Variants in FSTL5 observed in about 807,000 individuals in gnomAD.
FSTL5 encodes the protein follistatin-related protein 5.
In FSTL5, 62 loss-of-function variants were observed where a neutral mutation model predicts 89.1. That is an observed-to-expected ratio of 0.70 (90% CI 0.57 to 0.86). The LOEUF (loss-of-function observed/expected upper bound fraction) is 0.86. Among genes scored for constraint, FSTL5 ranks in the 40% least tolerant of loss-of-function variants. FSTL5 has a pLI of 0.00. For missense variants in FSTL5, 1,057 were observed against 1,001.6 expected (o/e 1.06, Z -0.75); for synonymous variants, 383 against 346.2 (o/e 1.11, Z -1.18).
At chr4:161,687,198 G>T (rs1433002015) in intron 6 of FSTL5, among the ~76,000 whole-genome samples, 1 of 152,126 alleles carries the variant, frequency 6.6e-6, no homozygotes, top group Non-Finnish European at 1.5e-5. Context: ...AATGGCTAGT[G>T]ACATTTATTT....
chr4:162,159,350 A>G (rs980173083), intron 1 of FSTL5, among the ~76,000 whole-genome samples: 1 of 152,048 alleles, frequency 6.6e-6, no homozygotes, highest in Non-Finnish European at 1.5e-5. Flanking sequence ...TTTAAATACA[A>G]CTCAATGAAG....
At chr4:162,157,747 A>G (rs907430255) in intron 1 of FSTL5, among the ~76,000 whole-genome samples, 3 of 152,084 alleles carry the variant, frequency 2.0e-5, no homozygotes, top group African/African-American at 7.2e-5. Flanking sequence ...CCACTTAATA[A>G]AGACAACCAA....
At chr4:161,752,557 C>T (rs1272996402) in intron 6 of FSTL5, among the ~76,000 whole-genome samples, 1 of 152,160 alleles carries the variant, frequency 6.6e-6, no homozygotes, top group East Asian at 1.9e-4. Flanking sequence ...CTAGTAAGTT[C>T]CTTTCTGCCA....
intron 2 of FSTL5, among the ~76,000 whole-genome samples, chr4:162,108,416 T>C (rs1048527825): frequency 6.6e-6 from 1 of 152,072 alleles, no homozygotes; most frequent in African/African-American, 2.4e-5. Flanking sequence ...AAATGAGCTC[T>C]ATATATCTCT....
chr4:161,984,853 A>C (rs1735918308), intron 3 of FSTL5, among the ~76,000 whole-genome samples: 1 of 152,162 alleles, frequency 6.6e-6, no homozygotes, highest in African/African-American at 2.4e-5. Context: ...TTTAAAATTC[A>C]GATTCCTTGG....
chr4:161,481,180 G>C lies in FSTL5; in HGVS notation c.1459-11C>G, dbSNP rs1011900475. 6.3e-7 allele frequency: 1 copy of C among 1,578,542 alleles called. No individual in the cohort carries two copies. Among genetic ancestry groups the C allele is most frequent in the South Asian group, 1.2e-5 (1 of 83,628 alleles). On this transcript the variant is annotated splice_polypyrimidine_tract_variant and intron_variant, in intron 12 of 15. Transcript: ENST00000306100. ...GGGACAGACTTCATCCTGTAATTTA[G>C]GAAAGAGAAAATGAAATTTATACCT...
chr4:161,497,713 C>T (rs1346411441), intron 12 of FSTL5, among the ~76,000 whole-genome samples: 5 of 151,844 alleles, frequency 3.3e-5, no homozygotes, highest in Non-Finnish European at 5.9e-5. Context: ...TAATATTTAT[C>T]TCACATGCAA....
chr4:161,602,246 GGAGAGAAAGA>G (rs1211000752), intron 7 of FSTL5, among the ~76,000 whole-genome samples: 1,538 of 87,378 alleles, frequency 0.018, 21 homozygotes, highest in African/African-American at 0.062. Context: ...TGAGAGAGAG[GGAGAGAAAGA>G]GAGAGAGAGA....
At chr4:161,861,710 T>G (rs1731922392) in intron 4 of FSTL5, among the ~76,000 whole-genome samples, 1 of 152,176 alleles carries the variant, frequency 6.6e-6, no homozygotes, top group Non-Finnish European at 1.5e-5. Context: ...TGGGCAGGAT[T>G]CAACTTATTT....
intron 3 of FSTL5, among the ~76,000 whole-genome samples, chr4:161,976,559 G>T (rs1461653599): frequency 6.6e-6 from 1 of 152,112 alleles, no homozygotes; most frequent in African/African-American, 2.4e-5. Flanking sequence ...TCGGCTCACT[G>T]CAAGCTCCGC....
chr4:162,095,321 T>C (rs1210373418), intron 2 of FSTL5, among the ~76,000 whole-genome samples: 5 of 152,262 alleles, frequency 3.3e-5, no homozygotes, highest in South Asian at 2.1e-4. Flanking sequence ...ATAGTCCATT[T>C]AGTTGGGAAA....
intron 15 of FSTL5, among the ~76,000 whole-genome samples, chr4:161,423,382 G>A (rs1182363118): frequency 1.6e-5 from 2 of 128,948 alleles, no homozygotes; most frequent in African/African-American, 5.3e-5. Context: ...AGTAACAACT[G>A]ACTGAGTCTT....
At chr4:161,457,390 A>G (rs951616276) in intron 14 of FSTL5, among the ~76,000 whole-genome samples, 1 of 152,214 alleles carries the variant, frequency 6.6e-6, no homozygotes, top group African/African-American at 2.4e-5. Context: ...TATCAGCACA[A>G]AATATGTTTT....
rs147533517 is a variant in FSTL5 at position 161,869,557 on chromosome 4, C to A, written c.409+50847G>T. Among the ~76,000 whole-genome samples the A allele has an allele frequency of 4.2e-3, 645 of 152,222 alleles. 9 individuals are homozygous for A. Among genetic ancestry groups the A allele is most frequent in the African/African-American group, 0.013 (553 of 41,536 alleles). On this transcript the variant is annotated intron_variant, in intron 4 of 15. Coordinates refer to ENST00000306100, the MANE Select transcript of FSTL5 (RefSeq NM_020116.5). The stretch of plus-strand genomic sequence containing the variant: ...TTTTAAAGCAAAGGTGAGTTTTGCC[C>A]TCTAGAGAAAATTCAGCTATGTCTG...
chr4:161,683,028 AGCCACCGTGCCCG>A (rs1560787564), intron 6 of FSTL5, among the ~76,000 whole-genome samples: 1 of 152,188 alleles, frequency 6.6e-6, no homozygotes, highest in Non-Finnish European at 1.5e-5. Context: ...TACAGGCGTG[AGCCACCGTGCCCG>A]GCCAACTTTT....
chr4:161,587,297 T>C (rs990340535), intron 8 of FSTL5, among the ~76,000 whole-genome samples, 158 bp downstream of exon 8: 1 of 142,238 alleles, frequency 7.0e-6, no homozygotes, highest in Non-Finnish European at 1.5e-5. Flanking sequence ...AAATTTTGTG[T>C]TTTTTTTTTT....
At chr4:161,942,043 G>C (rs1174458242) in intron 3 of FSTL5, among the ~76,000 whole-genome samples, 1 of 151,804 alleles carries the variant, frequency 6.6e-6, no homozygotes, top group Non-Finnish European at 1.5e-5. Flanking sequence ...AACAATCATG[G>C]CTAAAAGAAG....
chr4:161,793,767 C>A lies in FSTL5; in HGVS notation c.410-17693G>T, dbSNP rs1729547827. ...GGGACTACAGGTGCGTGCCACTGTGCCTGGCTAATTTTTGTATTTTTAGTA... is the reference window on the plus strand; with the variant it reads ...GGGACTACAGGTGCGTGCCACTGTGACTGGCTAATTTTTGTATTTTTAGTA... On this transcript the variant is annotated intron_variant, in intron 4 of 15. Transcript: ENST00000306100. Among the ~76,000 whole-genome samples, 4 of 151,918 alleles carry A rather than the reference C, an allele frequency of 2.6e-5. No homozygotes were observed. In the South Asian group the frequency reaches 8.3e-4, roughly 32 times the overall value.
chr4:161,640,049 T>C (rs2126667016), intron 7 of FSTL5, among the ~76,000 whole-genome samples: 1 of 152,294 alleles, frequency 6.6e-6, no homozygotes, highest in African/African-American at 2.4e-5. Context: ...AACTAGAAAG[T>C]GTCTGGATGT....
Sources: gnomAD v4.1 joint callset for allele counts (sites outside exome capture counted in the v4.1 genomes callset) on GRCh38, gnomAD v4.1.1 for gene constraint, MANE v1.5 for transcripts, NCBI Gene and HGNC (gene_info 2026-07-23, HGNC 2026-07-21) for gene names.